Variants in PTDSS1 observed in about 807,000 individuals in gnomAD.
PTDSS1 encodes PSS-1.
Under a neutral mutation model 70.5 loss-of-function variants are expected in PTDSS1, and 45 were observed. The ratio of observed to expected loss-of-function variants is 0.64; its 90% confidence interval spans 0.50 to 0.82. The LOEUF is 0.82. Among genes scored for constraint, PTDSS1 ranks in the 40% least tolerant of loss-of-function variants. The probability of loss-of-function intolerance (pLI) is 0.00; values close to 1 mark genes in which losing one functional copy is unlikely to be tolerated. For missense variants in PTDSS1, 417 were observed against 586.1 expected, an observed-to-expected ratio of 0.71 and a Z score of 2.98; for synonymous variants, 188 against 203.8, an observed-to-expected ratio of 0.92 and a Z score of 0.66.
Position 96,299,858 on chromosome 8 carries a change from C to T in PTDSS1, c.752+13C>T. On this transcript the variant is annotated intron_variant, in intron 6 of 12. Coordinates refer to ENST00000517309, the MANE Select transcript of PTDSS1 (RefSeq NM_014754.3). ...GGGCAAGCTTCAAGTGAGTTGCCTT[C>T]TTTTTGGATATTAGTCACAGTTTTT... The T allele has an allele frequency of 8.1e-6, 13 of 1,597,868 alleles. No homozygotes were observed. Among genetic ancestry groups the T allele is most frequent in the Non-Finnish European group, 1.1e-5 (13 of 1,175,592 alleles).
chr8:96,309,704 G>C (rs1353739032), intron 9 of PTDSS1, 82 bp downstream of exon 9: 1 of 1,352,736 alleles, frequency 7.4e-7, no homozygotes, highest in African/African-American at 1.4e-5. Context: ...TGTGTTAAGA[G>C]CCTTTCAGTA....
At position 96,273,265 on chromosome 8, in the gene PTDSS1, A is replaced by G. The variant is rs1187329272; in HGVS notation, c.180-34A>G. 26 of 1,488,118 alleles carry G rather than the reference A, an allele frequency of 1.7e-5. 1 individual carries two copies. In the Admixed American group the frequency reaches 5.2e-4, roughly 30 times the overall value. The allele number at this position is 1,488,118 out of a possible 1,614,324, so 92.2% of individuals were successfully genotyped here. Reference sequence around the variant, plus strand: ...CTCTAGGTTTTCTATTTGGATCTGAAAGTAAATGCTCAATGTTGTTTTTCT... The same window carrying G: ...CTCTAGGTTTTCTATTTGGATCTGAGAGTAAATGCTCAATGTTGTTTTTCT... On this transcript the variant is annotated intron_variant, in intron 1 of 12. Transcript: ENST00000517309.
At chr8:96,301,517 T>C (rs1335571630) in intron 6 of PTDSS1, among the ~76,000 whole-genome samples, 3 of 152,100 alleles carry the variant, frequency 2.0e-5, no homozygotes, top group African/African-American at 7.2e-5. Context: ...TTTTTTTGTT[T>C]GTTTGTTTTT....
At chr8:96,280,332 G>A (rs1163407336) in intron 2 of PTDSS1, among the ~76,000 whole-genome samples, 1 of 152,096 alleles carries the variant, frequency 6.6e-6, no homozygotes, top group African/African-American at 2.4e-5. Context: ...GACCAGCCTC[G>A]CCAACATGGT....
intron 4 of PTDSS1, among the ~76,000 whole-genome samples, chr8:96,291,889 C>T (rs529980648): frequency 4.3e-4 from 66 of 152,026 alleles, no homozygotes; most frequent in African/African-American, 1.5e-3. Flanking sequence ...CTGGTGGTCT[C>T]GCTTTTTATA....
chr8:96,287,222 T>C (rs1810836060), intron 4 of PTDSS1, 76 bp downstream of exon 4: 1 of 1,537,184 alleles, frequency 6.5e-7, no homozygotes, highest in Admixed American at 1.9e-5. Flanking sequence ...GACTTGACAT[T>C]TTAAATTGTT....
chr8:96,271,732 T>C (rs1049942183), intron 1 of PTDSS1, among the ~76,000 whole-genome samples: 1 of 152,248 alleles, frequency 6.6e-6, no homozygotes, highest in African/African-American at 2.4e-5. Context: ...AGTTTTACCT[T>C]TATCAATAAG....
At chr8:96,313,559 C>G (rs752667207) in intron 9 of PTDSS1, among the ~76,000 whole-genome samples, 1 of 152,194 alleles carries the variant, frequency 6.6e-6, no homozygotes, top group African/African-American at 2.4e-5. Context: ...TCGCCTGGTC[C>G]TGGGAGGAAG....
At chr8:96,300,163 A>G (rs1177958116) in intron 6 of PTDSS1, among the ~76,000 whole-genome samples, 7 of 152,052 alleles carry the variant, frequency 4.6e-5, no homozygotes, top group Non-Finnish European at 7.4e-5. Context: ...CCATCCCTGG[A>G]TCAATTCATC....
At chr8:96,265,746 A>G (rs79476980) in intron 1 of PTDSS1, among the ~76,000 whole-genome samples, 2,616 of 152,284 alleles carry the variant, frequency 0.017, 65 homozygotes, top group African/African-American at 0.059. Flanking sequence ...TACTCACTCG[A>G]CAGAATGAGA....
intron 1 of PTDSS1, among the ~76,000 whole-genome samples, chr8:96,272,538 G>T (rs1335802531): frequency 6.6e-6 from 1 of 152,122 alleles, no homozygotes; most frequent in African/African-American, 2.4e-5. Context: ...AGATAGCTTG[G>T]CTTGGGGGAA....
At chr8:96,304,301 A>G (rs533681680) in intron 7 of PTDSS1, 120 bp downstream of exon 7, 7 of 1,193,050 alleles carry the variant, frequency 5.9e-6, no homozygotes, top group Middle Eastern at 3.0e-4. Context: ...ACAAGATATA[A>G]TATTCTGCAG....
intron 9 of PTDSS1, among the ~76,000 whole-genome samples, chr8:96,313,236 A>G (rs1256691767): frequency 1.3e-5 from 2 of 152,234 alleles, no homozygotes; most frequent in Non-Finnish European, 2.9e-5. Flanking sequence ...CGGTTGTGCC[A>G]TAGACTGAGC....
chr8:96,276,975 C>T (rs890418860), intron 2 of PTDSS1, among the ~76,000 whole-genome samples: 4 of 101,258 alleles, frequency 4.0e-5, no homozygotes, highest in African/African-American at 1.0e-4. Context: ...CGCGCGCACG[C>T]GCGCGCACAC....
intron 1 of PTDSS1, among the ~76,000 whole-genome samples, chr8:96,271,746 G>A (rs1294170419): frequency 6.6e-6 from 1 of 152,200 alleles, no homozygotes; most frequent in Admixed American, 6.5e-5. Context: ...CAATAAGGTA[G>A]ATTTTAAAAA....
intron 1 of PTDSS1, among the ~76,000 whole-genome samples, chr8:96,267,100 A>C (rs1364767571): frequency 1.3e-5 from 2 of 152,198 alleles, no homozygotes; most frequent in Admixed American, 1.3e-4. Context: ...TTTTAGATGT[A>C]GTTCTATTAC....
chr8:96,325,202 C>G (rs1194209771), intron 10 of PTDSS1, among the ~76,000 whole-genome samples: 1 of 152,102 alleles, frequency 6.6e-6, no homozygotes, highest in Non-Finnish European at 1.5e-5. Context: ...ACTAACTTGC[C>G]CAAGGTCACA....
chr8:96,290,129 C>G (rs547760431), intron 4 of PTDSS1, among the ~76,000 whole-genome samples: 2 of 152,204 alleles, frequency 1.3e-5, no homozygotes, highest in South Asian at 2.1e-4. Flanking sequence ...AAAACACAAG[C>G]CGATGGATCT....
At chr8:96,271,149 C>A (rs939317488) in intron 1 of PTDSS1, among the ~76,000 whole-genome samples, 1 of 152,154 alleles carries the variant, frequency 6.6e-6, no homozygotes, top group Non-Finnish European at 1.5e-5. Flanking sequence ...TCTCCCCAGC[C>A]CCTCATTTTT....
Sources: gnomAD v4.1 joint callset for allele counts (sites outside exome capture counted in the v4.1 genomes callset) on GRCh38, gnomAD v4.1.1 for gene constraint, MANE v1.5 for transcripts, NCBI Gene and HGNC (gene_info 2026-07-23, HGNC 2026-07-21) for gene names.